The following NAF1 variants were observed in gnomAD, a reference collection of about 807,000 sequenced individuals.
The protein encoded by NAF1 is H/ACA ribonucleoprotein complex non-core subunit NAF1.
NAF1 carries 11 observed loss-of-function variants against 40.6 expected under a neutral mutation model. The observed-to-expected ratio is 0.27, with a 90% CI of 0.17 to 0.45. The LOEUF (loss-of-function observed/expected upper bound fraction) is 0.45. NAF1 is among the 20% of genes least tolerant of loss of function. The pLI, the probability that NAF1 is intolerant of heterozygous loss-of-function variation, is 1.00. For synonymous variants in NAF1, 260 were observed against 228.5 expected (o/e 1.14, Z -1.24); for missense variants, 607 against 611.1 (o/e 0.99, Z 0.07).
chr4:163,105,477 T>C (rs1027460915), downstream of NAF1, among the ~76,000 whole-genome samples: 2 of 152,246 alleles, frequency 1.3e-5, no homozygotes, highest in Non-Finnish European at 2.9e-5. Flanking sequence ...GAAGCTGTTA[T>C]CTGTGACCCT....
chr4:163,140,685 A>AT (rs569936308), intron 4 of NAF1, among the ~76,000 whole-genome samples: 51 of 152,304 alleles, frequency 3.3e-4, no homozygotes, highest in Admixed American at 2.5e-3. Flanking sequence ...GCAAATTATG[A>AT]TTTTTTTAAA....
Position 163,140,392 on chromosome 4 carries a change from GA to G in NAF1, c.718-10del. ...CCAAATATCTCGAATATCTGTAATA[GA>G]AACATAAAGGCCTCTTTTAACATGT... On this transcript the variant is annotated splice_polypyrimidine_tract_variant and intron_variant, in intron 4 of 7. Transcript: ENST00000274054. The G allele has an allele frequency of 1.3e-6, 2 of 1,589,128 alleles. No homozygotes were observed. Among genetic ancestry groups the G allele is most frequent in the Non-Finnish European group, 1.7e-6 (2 of 1,170,808 alleles).
chr4:163,166,753 C>T lies in NAF1; in HGVS notation c.-26G>A, dbSNP rs1732497495. The T allele has an allele frequency of 6.2e-7, 1 of 1,612,412 alleles. No homozygotes were observed. Among genetic ancestry groups the T allele is most frequent in the Non-Finnish European group, 8.5e-7 (1 of 1,179,538 alleles). On this transcript the variant is annotated 5_prime_UTR_variant, in exon 1 of 8. Transcript: ENST00000274054. ...CGCACCGCGCCAGAAACCGGGTCGG[C>T]CTCAGGATTGGGGCCCCTGGACAAG...
At chr4:163,150,474 T>C (rs11938842) in intron 2 of NAF1, among the ~76,000 whole-genome samples, 39,833 of 152,036 alleles carry the variant, frequency 0.26, 5,609 homozygotes, top group African/African-American at 0.37. Flanking sequence ...AAAATATCCA[T>C]ATTTTAATAC....
chr4:163,164,324 A>G lies in NAF1; in HGVS notation c.433T>C (p.Ser145Pro), dbSNP rs1732354597. ...SSSSSSSSSS[S>P]CISLPPVLSD... is the part of the protein sequence containing the mutation. ...AGCACTGGAGGAAGTGATATACAAGAGGAAGAAGACGACGATGAGGAAGAT... is the reference window on the plus strand; with the variant it reads ...AGCACTGGAGGAAGTGATATACAAGGGGAAGAAGACGACGATGAGGAAGAT... Residue 145 changes from serine (S) to proline (P), a missense_variant, in exon 2 of 8, where the codon TCT becomes CCT. Ser to Pro is a moderately conservative substitution (Grantham distance 74). Around this residue, in one of 3 missense-constraint regions of NAF1, gnomAD observed 407 missense variants for 365.5 expected, o/e 1.11. Transcript: ENST00000274054. The G allele has an allele frequency of 5.0e-6, 8 of 1,602,516 alleles. No homozygotes were observed. The highest frequency in any genetic ancestry group is 6.8e-6 in the Non-Finnish European group (8 of 1,175,460).
At chr4:163,134,667 A>G (rs1469218306) in intron 6 of NAF1, among the ~76,000 whole-genome samples, 10 of 152,218 alleles carry the variant, frequency 6.6e-5, no homozygotes, top group Admixed American at 5.9e-4. Flanking sequence ...GGATAACCCA[A>G]CAGAAATACC....
intron 2 of NAF1, among the ~76,000 whole-genome samples, chr4:163,162,543 C>T (rs1369898886): frequency 6.6e-6 from 1 of 152,186 alleles, no homozygotes; most frequent in African/African-American, 2.4e-5. Context: ...GGAATTTTGT[C>T]TTTCGAGGCA....
In NAF1 at chr4:163,133,157, G is replaced by C. The variant is rs370518943; in HGVS notation, c.1030C>G (p.Pro344Ala). 3.1e-6 allele frequency: 5 copies of C among 1,610,748 alleles called. No homozygotes were observed. Among genetic ancestry groups the C allele is most frequent in the Non-Finnish European group, 3.4e-6 (4 of 1,177,238 alleles). ...RKKLKSEFNEPGEDFTEVHQN... is the reference protein window; with the variant it reads ...RKKLKSEFNEAGEDFTEVHQN... ...TATATATATTGTATTCACTCACCAG[G>C]CTCATTAAATTCAGATTTGAGTTTT... The change falls in exon 7 of 8, where the codon CCT becomes GCT. Residue 344 changes from proline (P) to alanine (A), a missense_variant. Pro to Ala is a conservative substitution (Grantham distance 27, BLOSUM62 -1). This residue lies in a region of NAF1 where 189 missense variants were observed against 216.6 expected (regional missense o/e 0.87). Coordinates refer to ENST00000274054, the MANE Select transcript of NAF1 (RefSeq NM_138386.3).
At chr4:163,162,552 C>T (rs1318628668) in intron 2 of NAF1, among the ~76,000 whole-genome samples, 3 of 152,182 alleles carry the variant, frequency 2.0e-5, no homozygotes, top group Non-Finnish European at 4.4e-5. Flanking sequence ...TCTTTCGAGG[C>T]AAACATACAC....
At chr4:163,152,392 A>C (rs1731746751) in intron 2 of NAF1, among the ~76,000 whole-genome samples, 1 of 152,244 alleles carries the variant, frequency 6.6e-6, no homozygotes, top group Admixed American at 6.5e-5. Context: ...GGAGACATCC[A>C]GTATGACCAA....
rs750566894 is a variant in NAF1, at chr4:163,164,411, T to TA, written c.366-21dup. 5.4e-5 allele frequency: 81 copies of TA among 1,488,354 alleles called. No individual in the cohort carries two copies. In the East Asian group the frequency reaches 7.2e-4, roughly 13 times the overall value. 92.2% of individuals were successfully genotyped at this position (1,488,354 alleles called of 1,614,324 possible). A position where few individuals can be genotyped will look rare whatever the true frequency, so the allele number is the denominator to read the frequency against. ...GTTTCACTGTAGGGAAGAAAACAGTTAAAAAAATAGTCCAGTATTATTATA... is the reference window on the plus strand; with the variant it reads ...GTTTCACTGTAGGGAAGAAAACAGTTAAAAAAAATAGTCCAGTATTATTATA... On this transcript the variant is annotated intron_variant, in intron 1 of 7. Transcript: ENST00000274054.
chr4:163,133,538 C>A, intron 6 of NAF1: 1 of 304,086 alleles, frequency 3.3e-6, no homozygotes, highest in East Asian at 6.4e-5. Flanking sequence ...GTATCAGATG[C>A]AAAAGGGTGC....
At chr4:163,133,098 A>T (rs1428446110) in intron 7 of NAF1, 56 bp downstream of exon 7, 2 of 1,392,992 alleles carry the variant, frequency 1.4e-6, no homozygotes. Flanking sequence ...TTATTGATAA[A>T]CTTATATAGA....
intron 2 of NAF1, among the ~76,000 whole-genome samples, chr4:163,152,276 T>C (rs1161149406): frequency 1.3e-5 from 2 of 152,250 alleles, no homozygotes; most frequent in East Asian, 1.9e-4. Context: ...TTTCATCAAA[T>C]ATTCTTTTAT....
At chr4:163,133,082 G>A (rs1730929714) in intron 7 of NAF1, 72 bp downstream of exon 7, 8 of 1,294,860 alleles carry the variant, frequency 6.2e-6, no homozygotes, top group Non-Finnish European at 8.8e-6. Flanking sequence ...GTTTCCTTCA[G>A]TTTTATTATT....
downstream of NAF1, among the ~76,000 whole-genome samples, chr4:163,108,111 TC>T (rs1730078872): frequency 6.6e-6 from 1 of 152,184 alleles, no homozygotes; most frequent in South Asian, 2.1e-4. Context: ...TTTGCATATA[TC>T]AACAGCGATG....
chr4:163,120,912 G>A (rs1399899362), intron 2 of NAF1, among the ~76,000 whole-genome samples: 1 of 152,040 alleles, frequency 6.6e-6, no homozygotes, highest in African/African-American at 2.4e-5. Context: ...TTTTTTTTGA[G>A]ACGGAGTCTC....
chr4:163,114,782 C>T (rs766654231), intron 2 of NAF1, among the ~76,000 whole-genome samples: 2 of 151,994 alleles, frequency 1.3e-5, no homozygotes, highest in African/African-American at 4.8e-5. Flanking sequence ...GTAAAGTTTA[C>T]GTAAAATTAC....
chr4:163,166,023 CAAAAGTACAGCCT>C (rs909533471), intron 1 of NAF1, among the ~76,000 whole-genome samples: 28 of 152,188 alleles, frequency 1.8e-4, no homozygotes, highest in African/African-American at 6.3e-4. Flanking sequence ...ACTATAACCA[CAAAAGTACAGCCT>C]AAACTGAGTA....
Sources: gnomAD v4.1 joint callset for allele counts (sites outside exome capture counted in the v4.1 genomes callset) on GRCh38, gnomAD v4.1.1 for gene constraint, gnomAD v4.1.1 regional missense constraint, MANE v1.5 for transcripts, NCBI Gene and HGNC (gene_info 2026-07-23, HGNC 2026-07-21) for gene names.